The following ANGPTL5 variants were observed in gnomAD, a reference collection of about 807,000 sequenced individuals.
The protein encoded by ANGPTL5 is angiopoietin like 5.
ANGPTL5 carries 34 observed loss-of-function variants against 39.4 expected under a neutral mutation model. The ratio of observed to expected loss-of-function variants is 0.86; its 90% CI spans 0.66 to 1.15. The LOEUF is 1.15. Among genes scored for constraint, ANGPTL5 ranks in the 50% most tolerant of loss-of-function variants. ANGPTL5 has a pLI of 0.00. For synonymous variants in ANGPTL5, 146 were observed against 152.1 expected (o/e 0.96, Z 0.29); for missense variants, 467 against 457.5 (o/e 1.02, Z -0.19).
intron 8 of ANGPTL5, among the ~76,000 whole-genome samples, chr11:101,894,309 T>A (rs1272732698): frequency 1.3e-5 from 2 of 152,218 alleles, no homozygotes; most frequent in Non-Finnish European, 2.9e-5. Flanking sequence ...TCAAATGCCT[T>A]TACATTTTCA....
chr11:101,910,216 G>A (rs1940065861), intron 1 of ANGPTL5, among the ~76,000 whole-genome samples: 1 of 151,942 alleles, frequency 6.6e-6, no homozygotes, highest in South Asian at 2.1e-4. Context: ...TTTGAGGCCA[G>A]CCTGACCAAC....
chr11:101,892,009 C>G (rs1026815891), intron 8 of ANGPTL5, among the ~76,000 whole-genome samples: 2 of 152,080 alleles, frequency 1.3e-5, no homozygotes, highest in East Asian at 1.9e-4. Context: ...GCTAGAGAAA[C>G]TTTTACCTTT....
chr11:101,895,059 ATT>A lies in ANGPTL5; in HGVS notation c.665_666del (p.Glu222ValfsTer28), dbSNP rs1939768220. 6.4e-7 allele frequency: 1 copy of A among 1,574,420 alleles called. No individual in the cohort carries two copies. On this transcript the variant is annotated frameshift_variant, in exon 8 of 9. Transcript: ENST00000334289. LOFTEE classifies it high-confidence loss of function. ...YLDGFGDLLG[E>X]FWLGLKKIFY... ...AAAATCTTTTTCAGTCCTAGCCAAA[ATT>A]CTCCTGTAAAAAAAATGCTTTGTTT...
chr11:101,897,991 AGG>A (rs1939829292), intron 7 of ANGPTL5, among the ~76,000 whole-genome samples: 1 of 152,158 alleles, frequency 6.6e-6, no homozygotes, highest in African/African-American at 2.4e-5. Flanking sequence ...TGGGAGGCCG[AGG>A]CAGGTGGATC....
chr11:101,902,594 C>A (rs368293224), intron 6 of ANGPTL5, 27 bp downstream of exon 6: 2 of 1,474,082 alleles, frequency 1.4e-6, no homozygotes, highest in Admixed American at 3.4e-5. Context: ...CCACATAATA[C>A]GGGAAAACTT....
intron 8 of ANGPTL5, among the ~76,000 whole-genome samples, chr11:101,893,453 C>T (rs539666497): frequency 6.6e-6 from 1 of 152,336 alleles, no homozygotes; most frequent in African/African-American, 2.4e-5. Flanking sequence ...ATTCTGCTGA[C>T]ACCTTTTTCT....
intron 7 of ANGPTL5, among the ~76,000 whole-genome samples, chr11:101,895,877 C>G (rs566206651): frequency 6.6e-6 from 1 of 152,176 alleles, no homozygotes; most frequent in African/African-American, 2.4e-5. Context: ...CCAGTCAAAA[C>G]AAACTTCAGA....
In ANGPTL5 at chr11:101,910,424, A is replaced by AAT. The variant is rs71059523; in HGVS notation, c.-92-2425_-92-2424dup. ...AAACTCCGTCTCAAAAAAAAAAAAA[A>AAT]ATATATATATATATATATATATTCA... On this transcript the variant is annotated intron_variant, in intron 1 of 8. Transcript: ENST00000334289. Among the ~76,000 whole-genome samples, 592 of 127,168 alleles carry AAT rather than the reference A, an allele frequency of 4.7e-3. 3 individuals are homozygous for AAT. The highest frequency in any genetic ancestry group is 0.022 in the South Asian group (83 of 3,856). 83.4% of individuals were successfully genotyped at this position (127,168 alleles called of 152,430 possible).
chr11:101,907,020 A>G (rs1198800816), intron 3 of ANGPTL5, 83 bp downstream of exon 3: 1 of 1,111,184 alleles, frequency 9.0e-7, no homozygotes, highest in African/African-American at 1.6e-5. Context: ...GACCCAGACA[A>G]AAGCTAAAGT....
chr11:101,902,234 C>G lies in ANGPTL5; in HGVS notation c.540+387G>C, dbSNP rs1939916002. 2.0e-5 allele frequency among the ~76,000 whole-genome samples: 3 copies of G among 152,024 alleles called. No individual in the cohort carries two copies. The South Asian group carries it at 6.2e-4, about 32-fold the overall frequency. ...AGTCAAAAGTATTTTTAGTAAGCTC[C>G]AAGGCAAAGCACACCATTATTTTCC... On this transcript the variant is annotated intron_variant, in intron 6 of 8. Transcript: ENST00000334289.
At chr11:101,910,805 T>C (rs1940079090) in intron 1 of ANGPTL5, among the ~76,000 whole-genome samples, 1 of 152,164 alleles carries the variant, frequency 6.6e-6, no homozygotes, top group African/African-American at 2.4e-5. Flanking sequence ...CTAGTCCAAG[T>C]CTGCCATCTC....
chr11:101,893,423 A>C (rs1232205657), intron 8 of ANGPTL5, among the ~76,000 whole-genome samples: 2 of 152,192 alleles, frequency 1.3e-5, no homozygotes, highest in Non-Finnish European at 2.9e-5. Flanking sequence ...CATTGGTTTT[A>C]TCTGTATTTC....
intron 1 of ANGPTL5, chr11:101,915,502 G>C: frequency 6.7e-7 from 1 of 1,492,374 alleles, no homozygotes; most frequent in South Asian, 1.3e-5. Flanking sequence ...CTTTGACGCA[G>C]GGTGATCAAA....
chr11:101,905,656 G>T, intron 4 of ANGPTL5, 88 bp downstream of exon 4: 1 of 888,854 alleles, frequency 1.1e-6, no homozygotes, highest in Non-Finnish European at 1.8e-6. Context: ...GTCTGAACAT[G>T]AATGCATTTT....
intron 1 of ANGPTL5, among the ~76,000 whole-genome samples, chr11:101,909,141 A>G (rs1280530262): frequency 6.6e-6 from 1 of 152,208 alleles, no homozygotes; most frequent in East Asian, 1.9e-4. Context: ...GATACACAAG[A>G]GGCACTCAAA....
At chr11:101,897,369 A>T (rs1490245461) in intron 7 of ANGPTL5, among the ~76,000 whole-genome samples, 1 of 152,144 alleles carries the variant, frequency 6.6e-6, no homozygotes, top group Non-Finnish European at 1.5e-5. Context: ...ATCAGATCCC[A>T]TTTGTCAATT....
intron 3 of ANGPTL5, 109 bp from the exon 4 acceptor site, chr11:101,905,956 C>T (rs1939991638): frequency 1.5e-6 from 1 of 677,930 alleles, no homozygotes; most frequent in Non-Finnish European, 2.6e-6. Context: ...TAACTCAATA[C>T]TATCTCAATT....
intron 4 of ANGPTL5, 25 bp from the exon 5 acceptor site, chr11:101,904,932 G>A (rs1661409): frequency 0.4 from 618,382 of 1,552,014 alleles, 127,279 homozygotes; most frequent in East Asian, 0.48. Context: ...ACACATTTAA[G>A]TAAATTTATA....
chr11:101,905,946 T>C, intron 3 of ANGPTL5, 99 bp from the exon 4 acceptor site: 1 of 707,054 alleles, frequency 1.4e-6, no homozygotes, highest in East Asian at 2.7e-5. Flanking sequence ...ATATGTATGT[T>C]AACTCAATAC....
Sources: allele counts gnomAD v4.1 joint callset (sites outside exome capture counted in the v4.1 genomes callset), GRCh38; gene constraint gnomAD v4.1.1; transcripts MANE v1.5; gene names NCBI Gene and HGNC (gene_info 2026-07-23, HGNC 2026-07-21).